TENM3: variants seen among roughly 807,000 people sequenced by gnomAD.
TENM3 encodes the protein teneurin-3.
Under a neutral mutation model 255.1 loss-of-function variants are expected in TENM3, and 63 were observed. The observed-to-expected ratio is 0.25, with a 90% CI of 0.20 to 0.30. The LOEUF (loss-of-function observed/expected upper bound fraction) is 0.30, where lower values mean the gene tolerates loss of function less well. Ranked by LOEUF, TENM3 falls within the 10% of genes least tolerant of loss-of-function variation. The pLI, the probability that TENM3 is intolerant of heterozygous loss-of-function variation, is 1.00. For missense variants in TENM3, 2,929 were observed against 3,461.1 expected (o/e 0.85, Z 3.86); for synonymous variants, 1,306 against 1,322.3 (o/e 0.99, Z 0.27).
In TENM3 at chr4:182,284,121, G is replaced by A. The variant is rs1446897272; in HGVS notation, c.-75-39825G>A. ...TAAGACATGAGAGAGTTTAATTAAA[G>A]TAAAAAAATAATAATTGAACACTTC... On this transcript the variant is annotated intron_variant, in intron 1 of 27. Coordinates refer to ENST00000511685, the MANE Select transcript of TENM3 (RefSeq NM_001080477.4). 2.6e-5 allele frequency among the ~76,000 whole-genome samples: 4 copies of A among 152,116 alleles called. No individual in the cohort carries two copies. In the East Asian group the frequency reaches 7.7e-4, roughly 29 times the overall value.
At chr4:181,687,475 A>C in the TENM3 span, among the ~76,000 whole-genome samples, 1 of 152,168 alleles carries the variant, frequency 6.6e-6, no homozygotes, top group Non-Finnish European at 1.5e-5. Flanking sequence ...ATCATTTTCA[A>C]CAACATTTTA....
At chr4:182,258,732 T>A (rs1391379890) in intron 1 of TENM3, among the ~76,000 whole-genome samples, 1 of 152,194 alleles carries the variant, frequency 6.6e-6, no homozygotes, top group Non-Finnish European at 1.5e-5. Flanking sequence ...TACAAAATCA[T>A]TTTTGTAAGA....
the TENM3 span, among the ~76,000 whole-genome samples, chr4:182,002,391 T>G: frequency 6.6e-6 from 1 of 152,054 alleles, no homozygotes; most frequent in Non-Finnish European, 1.5e-5. Context: ...TCCTTGCACC[T>G]TCCCCATTTC....
At chr4:181,597,306 T>A in the TENM3 span, among the ~76,000 whole-genome samples, 1 of 152,222 alleles carries the variant, frequency 6.6e-6, no homozygotes, top group Non-Finnish European at 1.5e-5. Context: ...TTACTCTATT[T>A]AAGCCTTCCC....
chr4:181,885,290 G>T, the TENM3 span, among the ~76,000 whole-genome samples: 1 of 152,172 alleles, frequency 6.6e-6, no homozygotes, highest in Non-Finnish European at 1.5e-5. Flanking sequence ...TTGAGACGGA[G>T]TCTAGCTCCA....
the TENM3 span, among the ~76,000 whole-genome samples, chr4:181,530,539 C>A: frequency 2.8e-4 from 42 of 152,242 alleles, 2 homozygotes; most frequent in South Asian, 7.7e-3. Context: ...ATCCTGCTGG[C>A]AGAACATACA....
At position 182,737,008 on chromosome 4, in the gene TENM3, C is replaced by G. The variant is rs751205793; in HGVS notation, c.3168C>G (p.Ala1056=). 1.9e-6 allele frequency: 3 copies of G among 1,613,804 alleles called. No homozygotes were observed. Among genetic ancestry groups the G allele is most frequent in the East Asian group, 2.2e-5 (1 of 44,864 alleles). The change falls in exon 17 of 28, where the codon GCC becomes GCG. Residue 1056 remains alanine (A), a synonymous_variant. Transcript: ENST00000511685. The part of the protein sequence containing the change: ...QKWFPASPNL[A]YTFIWDKTDA... ...GGTTTCCTGCCTCACCAAACTTGGC[C>G]TATACTTTCATATGGGATAAAACAG...
intron 24 of TENM3, among the ~76,000 whole-genome samples, chr4:182,776,859 G>A (rs1166814303): frequency 6.6e-6 from 1 of 152,134 alleles, no homozygotes; most frequent in Non-Finnish European, 1.5e-5. Flanking sequence ...TAGAAAATAC[G>A]CTATTTAAAA....
chr4:181,553,352 A>T, the TENM3 span, among the ~76,000 whole-genome samples: 1 of 149,368 alleles, frequency 6.7e-6, no homozygotes, highest in Non-Finnish European at 1.5e-5. Flanking sequence ...ACACACACAC[A>T]TATGTGTAAT....
chr4:181,913,794 G>T, the TENM3 span, among the ~76,000 whole-genome samples: 1 of 152,198 alleles, frequency 6.6e-6, no homozygotes, highest in Non-Finnish European at 1.5e-5. Context: ...GAGGAACTCA[G>T]AACTCATTGT....
chr4:182,377,533 T>G (rs1245736489), intron 3 of TENM3, among the ~76,000 whole-genome samples: 1 of 152,086 alleles, frequency 6.6e-6, no homozygotes, highest in Non-Finnish European at 1.5e-5. Flanking sequence ...AGACTGGTCT[T>G]GAACTCCTGA....
At chr4:181,462,002 T>C in the TENM3 span, among the ~76,000 whole-genome samples, 1 of 152,194 alleles carries the variant, frequency 6.6e-6, no homozygotes, top group Non-Finnish European at 1.5e-5. Flanking sequence ...AACAAAAGTA[T>C]TGGGCCTTGT....
the TENM3 span, among the ~76,000 whole-genome samples, chr4:182,096,869 T>C: frequency 2.6e-5 from 4 of 152,184 alleles, no homozygotes; most frequent in African/African-American, 9.6e-5. Context: ...ATCAACCTAA[T>C]GGAATAAAAT....
intron 1 of TENM3, among the ~76,000 whole-genome samples, chr4:182,252,294 T>C (rs1191216720): frequency 6.6e-6 from 1 of 152,172 alleles, no homozygotes; most frequent in Non-Finnish European, 1.5e-5. Flanking sequence ...TTATGCTCCT[T>C]ATGAGTCAAA....
intron 1 of TENM3, among the ~76,000 whole-genome samples, chr4:182,224,814 G>A (rs1003332476): frequency 3.5e-4 from 52 of 149,408 alleles, no homozygotes; most frequent in Admixed American, 1.2e-3. Flanking sequence ...TCGGCTCACT[G>A]TAAACTCCGC....
chr4:182,621,176 G>A (rs537779887), intron 4 of TENM3, among the ~76,000 whole-genome samples: 31 of 129,418 alleles, frequency 2.4e-4, no homozygotes, highest in Admixed American at 6.5e-4. Context: ...GCGAGACTCC[G>A]TCTAAAAAAA....
At chr4:182,017,445 A>G in the TENM3 span, among the ~76,000 whole-genome samples, 5 of 152,248 alleles carry the variant, frequency 3.3e-5, no homozygotes, top group African/African-American at 1.2e-4. Context: ...TTGTAGTGAA[A>G]GAGGAACATC....
At chr4:182,029,810 A>T in the TENM3 span, among the ~76,000 whole-genome samples, 11 of 152,276 alleles carry the variant, frequency 7.2e-5, no homozygotes, top group Admixed American at 2.0e-4. Context: ...TAATTTTTTT[A>T]AATTAGTATC....
intron 4 of TENM3, among the ~76,000 whole-genome samples, chr4:182,606,212 A>T (rs1748404810): frequency 6.6e-6 from 1 of 152,202 alleles, no homozygotes; most frequent in Admixed American, 6.5e-5. Context: ...GAGAACACTT[A>T]TCACAATATC....
Sources: allele counts gnomAD v4.1 joint callset (sites outside exome capture counted in the v4.1 genomes callset), GRCh38; gene constraint gnomAD v4.1.1; transcripts MANE v1.5; gene names NCBI Gene and HGNC (gene_info 2026-07-23, HGNC 2026-07-21).